HPSE2: variants seen among roughly 807,000 people sequenced by gnomAD.
HPSE2 encodes inactive heparanase-2.
Under a neutral mutation model 60.5 loss-of-function variants are expected in HPSE2, and 38 were observed. That is an observed-to-expected ratio of 0.63 (90% CI 0.48 to 0.82). HPSE2 has a LOEUF of 0.82. Ranked by LOEUF, HPSE2 falls within the 40% of genes least tolerant of loss-of-function variation. HPSE2 has a pLI of 0.00. For synonymous variants in HPSE2, 295 were observed against 293.2 expected, an observed-to-expected ratio of 1.01 and a Z score of -0.06; for missense variants, 713 against 740.4, an observed-to-expected ratio of 0.96 and a Z score of 0.43.
At chr10:98,485,448 C>T (rs1941405476) in intron 10 of HPSE2, among the ~76,000 whole-genome samples, 1 of 152,204 alleles carries the variant, frequency 6.6e-6, no homozygotes, top group Non-Finnish European at 1.5e-5. Context: ...TCCAGTTCCT[C>T]CTCCTCCGGT....
At chr10:98,738,799 G>C (rs957300217) in intron 4 of HPSE2, among the ~76,000 whole-genome samples, 2 of 152,150 alleles carry the variant, frequency 1.3e-5, no homozygotes, top group African/African-American at 4.8e-5. Context: ...TTAGAATTAT[G>C]ATCATTAAAA....
intron 6 of HPSE2, among the ~76,000 whole-genome samples, chr10:98,674,873 G>C (rs1052927382): frequency 2.0e-5 from 3 of 152,130 alleles, no homozygotes; most frequent in Admixed American, 6.5e-5. Context: ...AGTGAGCTGA[G>C]ATCACACCAG....
chr10:98,482,904 C>A, intron 10 of HPSE2, 122 bp from the exon 11 acceptor site: 1 of 953,404 alleles, frequency 1.0e-6, no homozygotes. Flanking sequence ...AAAAACTTGG[C>A]CACCATAGAC....
chr10:98,494,403 T>C lies in HPSE2; in HGVS notation c.1321-4207A>G, dbSNP rs191690200. Among the ~76,000 whole-genome samples, 575 of 152,314 alleles carry C rather than the reference T, an allele frequency of 3.8e-3. 12 individuals carry two copies. In the South Asian group the frequency reaches 0.04, roughly 11 times the overall value. ...AGGAAGGAGGAAGTAACTTGTGGAA[T>C]GCTGAGAAAGATAAAAACACTTTTA... On this transcript the variant is annotated intron_variant, in intron 9 of 11. Transcript: ENST00000370552.
chr10:98,794,398 C>G (rs765009436), intron 3 of HPSE2, among the ~76,000 whole-genome samples: 28 of 152,076 alleles, frequency 1.8e-4, no homozygotes, highest in Non-Finnish European at 3.7e-4. Context: ...TGCGAACCAC[C>G]ATGCCCAGCT....
At chr10:99,030,781 C>T (rs1337005886) in intron 3 of HPSE2, among the ~76,000 whole-genome samples, 1 of 152,152 alleles carries the variant, frequency 6.6e-6, no homozygotes, top group African/African-American at 2.4e-5. Flanking sequence ...CATATATATA[C>T]AATGGAGTAC....
chr10:98,907,738 T>A (rs983133668), intron 3 of HPSE2, among the ~76,000 whole-genome samples: 2 of 152,172 alleles, frequency 1.3e-5, no homozygotes, highest in African/African-American at 2.4e-5. Flanking sequence ...ACTTTCCTTA[T>A]TGAGTCAATC....
At chr10:98,881,708 T>C (rs148031203) in intron 3 of HPSE2, among the ~76,000 whole-genome samples, 2 of 152,214 alleles carry the variant, frequency 1.3e-5, no homozygotes, top group Non-Finnish European at 2.9e-5. Flanking sequence ...ACTGCACTTA[T>C]AGGAGAACAA....
intron 6 of HPSE2, among the ~76,000 whole-genome samples, chr10:98,652,063 G>A (rs924683124): frequency 6.6e-6 from 1 of 152,174 alleles, no homozygotes; most frequent in Non-Finnish European, 1.5e-5. Flanking sequence ...GAGCCACCAC[G>A]CTCGGCCAGA....
chr10:98,903,085 T>C (rs1398383716), intron 3 of HPSE2, among the ~76,000 whole-genome samples: 1 of 152,182 alleles, frequency 6.6e-6, no homozygotes, highest in Non-Finnish European at 1.5e-5. Context: ...TGGAATATTA[T>C]TCAGCCATAA....
intron 3 of HPSE2, among the ~76,000 whole-genome samples, chr10:99,067,333 GC>G (rs1474457163): frequency 6.6e-6 from 1 of 152,166 alleles, no homozygotes; most frequent in Non-Finnish European, 1.5e-5. Context: ...CCTATGCAGT[GC>G]CCCTCTGGAG....
chr10:98,720,583 G>T (rs1932733), intron 5 of HPSE2, among the ~76,000 whole-genome samples: 150,991 of 152,276 alleles, frequency 0.99, 74,869 homozygotes, highest in East Asian at 1. Flanking sequence ...CCATAAAAAT[G>T]ATCATATACT....
chr10:99,158,575 G>A (rs1366009983), intron 2 of HPSE2, among the ~76,000 whole-genome samples: 1 of 143,952 alleles, frequency 6.9e-6, no homozygotes, highest in Non-Finnish European at 1.5e-5. Flanking sequence ...GACACAGGAA[G>A]GGGACTATCA....
intron 3 of HPSE2, among the ~76,000 whole-genome samples, chr10:98,861,933 C>CT (rs1952467734): frequency 6.6e-6 from 1 of 152,140 alleles, no homozygotes; most frequent in Non-Finnish European, 1.5e-5. Flanking sequence ...GGGAGTGGAT[C>CT]TTTGAAATAT....
chr10:99,309,595 A>G, the HPSE2 span, among the ~76,000 whole-genome samples: 130,581 of 152,256 alleles, frequency 0.86, 56,389 homozygotes, highest in African/African-American at 0.93. Flanking sequence ...TTCTAAATGA[A>G]GTTTTATTGA....
At chr10:98,605,652 C>T (rs1424461722) in intron 9 of HPSE2, among the ~76,000 whole-genome samples, 1 of 152,120 alleles carries the variant, frequency 6.6e-6, no homozygotes, top group East Asian at 1.9e-4. Flanking sequence ...TGAGATACAC[C>T]ACTATTATTT....
intron 3 of HPSE2, among the ~76,000 whole-genome samples, chr10:98,879,973 A>G (rs1299520436): frequency 2.0e-5 from 3 of 151,414 alleles, no homozygotes; most frequent in East Asian, 2.0e-4. Flanking sequence ...CTTTGCCTTC[A>G]GTCTTTCACT....
intron 3 of HPSE2, among the ~76,000 whole-genome samples, chr10:98,881,253 G>T (rs1328426833): frequency 6.6e-6 from 1 of 152,062 alleles, no homozygotes; most frequent in Non-Finnish European, 1.5e-5. Flanking sequence ...GTTCTTATGG[G>T]TAGGGATTCC....
rs1843825662 is a variant in HPSE2, at chr10:99,098,913, A to G, written c.610+45325T>C. On this transcript the variant is annotated intron_variant, in intron 3 of 11. Coordinates refer to ENST00000370552, the MANE Select transcript of HPSE2 (RefSeq NM_021828.5). ...CATAAAGAGCAGGTCTGATTTTAAT[A>G]TAAGAGAAAAACAATGTTAACATTA... Among the ~76,000 whole-genome samples the G allele has an allele frequency of 3.3e-5, 5 of 152,238 alleles. No homozygotes were observed. In the South Asian group the frequency reaches 1.0e-3, roughly 31 times the overall value.
Sources: gnomAD v4.1 joint callset for allele counts (sites outside exome capture counted in the v4.1 genomes callset) on GRCh38, gnomAD v4.1.1 for gene constraint, MANE v1.5 for transcripts, NCBI Gene and HGNC (gene_info 2026-07-23, HGNC 2026-07-21) for gene names.